Variants in RFTN2 observed in about 807,000 individuals in gnomAD.
RFTN2 encodes raftlin family member 2, also known as raftlin-2.
Under a neutral mutation model 52.7 loss-of-function variants are expected in RFTN2, and 34 were observed. The observed-to-expected ratio is 0.64, with a 90% CI of 0.49 to 0.86. RFTN2 has a LOEUF of 0.86. Among genes scored for constraint, RFTN2 ranks in the 40% least tolerant of loss-of-function variants. The pLI is 0.00. For missense variants in RFTN2, 536 were observed against 600.1 expected (o/e 0.89, Z 1.12); for synonymous variants, 203 against 217.7 (o/e 0.93, Z 0.59).
At chr2:197,586,961 G>A (rs190635346) in intron 8 of RFTN2, among the ~76,000 whole-genome samples, 1 of 152,222 alleles carries the variant, frequency 6.6e-6, no homozygotes, top group East Asian at 1.9e-4. Flanking sequence ...CTCCAACCAA[G>A]CAAGTAATTA....
At chr2:197,634,037 C>A in intron 3 of RFTN2, 40 bp from the exon 4 acceptor site, 2 of 1,512,966 alleles carry the variant, frequency 1.3e-6, no homozygotes, top group South Asian at 1.2e-5. Flanking sequence ...AATGTAAACT[C>A]TATTTTCATT....
chr2:197,660,950 C>T (rs926824132), intron 1 of RFTN2, among the ~76,000 whole-genome samples: 2 of 152,122 alleles, frequency 1.3e-5, no homozygotes, highest in Non-Finnish European at 2.9e-5. Context: ...TAATTAGAGT[C>T]ACTTTATTCC....
At chr2:197,621,401 GTTT>G (rs55724429) in intron 5 of RFTN2, among the ~76,000 whole-genome samples, 1 of 122,590 alleles carries the variant, frequency 8.2e-6, no homozygotes, top group Admixed American at 8.8e-5. Flanking sequence ...GCAGATACCG[GTTT>G]TTTTTTTTTT....
In RFTN2 at chr2:197,620,458, C is replaced by T. The variant is rs529939558; in HGVS notation, c.929-2537G>A. Among the ~76,000 whole-genome samples the T allele has an allele frequency of 3.7e-3, 567 of 152,322 alleles. 3 individuals carry two copies. Among genetic ancestry groups the T allele is most frequent in the African/African-American group, 0.013 (541 of 41,566 alleles). On this transcript the variant is annotated intron_variant, in intron 5 of 8. Coordinates refer to ENST00000295049, the MANE Select transcript of RFTN2 (RefSeq NM_144629.3). ...GTCACATTAAAGTTTCCCTGGTTGACAGCTCTCTAAATTCTAAAGGCCTGC... is the reference window on the plus strand; with the variant it reads ...GTCACATTAAAGTTTCCCTGGTTGATAGCTCTCTAAATTCTAAAGGCCTGC...
chr2:197,587,143 CCTT>C (rs1369587717), intron 8 of RFTN2, among the ~76,000 whole-genome samples: 1 of 152,082 alleles, frequency 6.6e-6, no homozygotes, highest in Non-Finnish European at 1.5e-5. Flanking sequence ...GACAAATACT[CCTT>C]CTAACAACCC....
intron 8 of RFTN2, among the ~76,000 whole-genome samples, chr2:197,574,249 G>A (rs1322377920): frequency 6.6e-6 from 1 of 152,222 alleles, no homozygotes; most frequent in East Asian, 1.9e-4. Flanking sequence ...ACCCTGCAAA[G>A]CCACAGGGGC....
intron 5 of RFTN2, among the ~76,000 whole-genome samples, chr2:197,619,344 GT>G (rs2088216280): frequency 6.6e-6 from 1 of 151,922 alleles, no homozygotes; most frequent in South Asian, 2.1e-4. Context: ...GATGGTTGCC[GT>G]GTCTGTGTAG....
At chr2:197,589,012 A>G (rs533407093) in intron 8 of RFTN2, among the ~76,000 whole-genome samples, 67 of 152,150 alleles carry the variant, frequency 4.4e-4, no homozygotes, top group African/African-American at 1.6e-3. Flanking sequence ...CCACGAGGTC[A>G]GGAGTTTGAA....
At chr2:197,605,491 A>C (rs1341285949) in intron 7 of RFTN2, among the ~76,000 whole-genome samples, 2 of 152,160 alleles carry the variant, frequency 1.3e-5, no homozygotes, top group African/African-American at 2.4e-5. Flanking sequence ...CTGAGATTAC[A>C]GGCGTGAGCC....
At chr2:197,653,624 C>T (rs2088853753) in intron 1 of RFTN2, among the ~76,000 whole-genome samples, 1 of 151,870 alleles carries the variant, frequency 6.6e-6, no homozygotes, top group Admixed American at 6.6e-5. Context: ...AGACTGCCAG[C>T]AACTTCAAAA....
intron 2 of RFTN2, 99 bp downstream of exon 2, chr2:197,646,384 T>G: frequency 1.1e-6 from 1 of 894,932 alleles, no homozygotes; most frequent in South Asian, 2.0e-5. Flanking sequence ...AAAACCCCCA[T>G]GTGTCCTTTA....
chr2:197,607,791 GTA>G (rs1017742104), intron 7 of RFTN2, among the ~76,000 whole-genome samples: 2 of 152,120 alleles, frequency 1.3e-5, no homozygotes, highest in African/African-American at 4.8e-5. Context: ...TCAGGTATCA[GTA>G]TGTGTTAAAA....
intron 1 of RFTN2, among the ~76,000 whole-genome samples, chr2:197,660,427 T>C (rs946631576): frequency 6.6e-6 from 1 of 152,196 alleles, no homozygotes; most frequent in African/African-American, 2.4e-5. Context: ...ATGTATTAAT[T>C]GAAGTAATAT....
At chr2:197,589,911 A>C (rs2106179683) in intron 8 of RFTN2, among the ~76,000 whole-genome samples, 1 of 152,116 alleles carries the variant, frequency 6.6e-6, no homozygotes, top group Admixed American at 6.5e-5. Flanking sequence ...CTTATGTCTA[A>C]AAACTTTTTT....
chr2:197,644,956 T>C (rs1272976091), intron 2 of RFTN2, among the ~76,000 whole-genome samples: 1 of 152,194 alleles, frequency 6.6e-6, no homozygotes, highest in African/African-American at 2.4e-5. Flanking sequence ...TAAGTCTCTT[T>C]CTTGTTTTTT....
At chr2:197,656,397 T>G (rs1338532261) in intron 1 of RFTN2, among the ~76,000 whole-genome samples, 1 of 152,198 alleles carries the variant, frequency 6.6e-6, no homozygotes, top group African/African-American at 2.4e-5. Context: ...TGCCATTTAC[T>G]AAGCATGTGA....
intron 1 of RFTN2, among the ~76,000 whole-genome samples, chr2:197,673,204 G>A (rs1053154119): frequency 1.3e-5 from 2 of 152,162 alleles, no homozygotes; most frequent in Non-Finnish European, 2.9e-5. Flanking sequence ...ACAGGCAGGA[G>A]GTGCCACTAT....
intron 8 of RFTN2, among the ~76,000 whole-genome samples, chr2:197,584,989 A>C (rs558425984): frequency 1.3e-5 from 2 of 152,090 alleles, no homozygotes; most frequent in Non-Finnish European, 2.9e-5. Flanking sequence ...GACCCTACTT[A>C]GTCATCTATA....
chr2:197,623,533 C>T (rs2088302744), intron 5 of RFTN2, among the ~76,000 whole-genome samples: 1 of 152,308 alleles, frequency 6.6e-6, no homozygotes, highest in East Asian at 1.9e-4. Flanking sequence ...GGCTGGAGTG[C>T]AGTGGCACGA....
Sources: gnomAD v4.1 joint callset for allele counts (sites outside exome capture counted in the v4.1 genomes callset) on GRCh38, gnomAD v4.1.1 for gene constraint, MANE v1.5 for transcripts, NCBI Gene and HGNC (gene_info 2026-07-23, HGNC 2026-07-21) for gene names.